Variants in DNAH1 observed in about 807,000 individuals in gnomAD.
The protein encoded by DNAH1 is dynein axonemal heavy chain 1.
Under a neutral mutation model 484.3 loss-of-function variants are expected in DNAH1, and 327 were observed. The ratio of observed to expected loss-of-function variants is 0.68; its 90% confidence interval spans 0.62 to 0.74. The LOEUF is 0.74. Ranked by LOEUF, DNAH1 falls within the 30% of genes least tolerant of loss-of-function variation. The probability of loss-of-function intolerance (pLI) is 0.00; values close to 1 mark genes in which losing one functional copy is unlikely to be tolerated. For synonymous variants in DNAH1, 2,192 were observed against 2,191.9 expected (o/e 1.00, Z 0.00); for missense variants, 5,052 against 5,546.8 (o/e 0.91, Z 2.83).
chr3:52,358,128 G>A lies in DNAH1; in HGVS notation c.4086+125G>A. 1 of 784,622 alleles carries A rather than the reference G, an allele frequency of 1.3e-6. No homozygotes were observed. Among genetic ancestry groups the A allele is most frequent in the Non-Finnish European group, 2.0e-6 (1 of 505,178 alleles). The allele number at this position is 784,622 out of a possible 1,614,324, so 48.6% of individuals were successfully genotyped here. ...GCAAATGACATTCCTGGTCTTTGGA[G>A]ACACACCTGGGGCCTGTGGGAGGAA... On this transcript the variant is annotated intron_variant, in intron 24 of 77. Transcript: ENST00000420323. This position sits in a 1 kb window ranked among gnomAD's most constrained non-coding sequence, Gnocchi z 4.2.
intron 18 of DNAH1, 128 bp downstream of exon 18, chr3:52,352,835 T>G: frequency 7.2e-7 from 1 of 1,383,254 alleles, no homozygotes; most frequent in Non-Finnish European, 9.6e-7. Context: ...AGAGTGGAGA[T>G]AGCCCAACCC....
chr3:52,395,150 G>A lies in DNAH1; in HGVS notation c.10968+91G>A. Reference sequence around the variant, plus strand: ...TGGCTGCATCTGGATAGACTACTTGGCCAGGCCAGGACCCCTGCTTGCTCC... The same window carrying A: ...TGGCTGCATCTGGATAGACTACTTGACCAGGCCAGGACCCCTGCTTGCTCC... On this transcript the variant is annotated intron_variant, in intron 68 of 77. Coordinates refer to ENST00000420323, the MANE Select transcript of DNAH1 (RefSeq NM_015512.5). This position sits in a 1 kb window ranked among gnomAD's most constrained non-coding sequence, Gnocchi z 4.4. 2.6e-6 allele frequency: 4 copies of A among 1,517,296 alleles called. No homozygotes were observed. Among genetic ancestry groups the A allele is most frequent in the South Asian group, 2.6e-5 (2 of 78,040 alleles). 94.0% of individuals were successfully genotyped at this position (1,517,296 alleles called of 1,614,324 possible). A position where few individuals can be genotyped will look rare whatever the true frequency, so the allele number is the denominator to read the frequency against.
chr3:52,348,807 G>C (rs1483707841), intron 12 of DNAH1, 81 bp from the exon 13 acceptor site: 56 of 1,501,578 alleles, frequency 3.7e-5, no homozygotes, highest in Middle Eastern at 3.5e-4. Context: ...CCTGCTCCTC[G>C]GGAGGACTCC....
chr3:52,373,115 G>T (rs963555805), intron 44 of DNAH1, 62 bp downstream of exon 44: 1 of 1,514,816 alleles, frequency 6.6e-7, no homozygotes, highest in East Asian at 2.4e-5. Context: ...GGGCACAGGA[G>T]GCACAGCACT....
chr3:52,381,873 C>T lies in DNAH1; in HGVS notation c.7805+37C>T. On this transcript the variant is annotated intron_variant, in intron 49 of 77. Transcript: ENST00000420323. The surrounding 1 kb of genome is among the most constrained non-coding windows in gnomAD (Gnocchi z 4.1). ...CAGGGCGTGCTGGGCAGTGGGCGGC[C>T]AGGGCTGGCTGGTCGGTTTGACTGA... 4 of 1,542,502 alleles carry T rather than the reference C, an allele frequency of 2.6e-6. No individual in the cohort carries two copies. The highest frequency in any genetic ancestry group is 3.5e-6 in the Non-Finnish European group (4 of 1,141,952).
At chr3:52,312,625 C>G (rs1700819728), upstream of DNAH1, among the ~76,000 whole-genome samples, 1 of 151,930 alleles carries the variant, frequency 6.6e-6, no homozygotes, top group African/African-American at 2.4e-5. Flanking sequence ...GATGTGCCAC[C>G]ACGTCTGGCT....
chr3:52,366,781 T>C lies in DNAH1; in HGVS notation c.5659T>C (p.Ser1887Pro), dbSNP rs1401568748. The C allele has an allele frequency of 1.2e-6, 2 of 1,613,256 alleles. No individual in the cohort carries two copies. Among genetic ancestry groups the C allele is most frequent in the African/African-American group, 1.3e-5 (1 of 74,862 alleles). The change falls in exon 36 of 78, where the codon TCC becomes CCC. Residue 1887 changes from serine (S) to proline (P), a missense_variant. Transcript: ENST00000420323. ...AAMTSLKGQP[S>P]ISGGMYEAVN... The stretch of plus-strand genomic sequence containing the variant: ...CATGACGTCACTGAAAGGGCAGCCA[T>C]CCATCAGTGGTGGCATGTACGAGGC...
chr3:52,377,850 G>T (rs1703670994), intron 46 of DNAH1, among the ~76,000 whole-genome samples: 1 of 151,992 alleles, frequency 6.6e-6, no homozygotes, highest in Non-Finnish European at 1.5e-5. Flanking sequence ...CTGCAGGGCT[G>T]CCCGTAGCCC....
chr3:52,394,832 G>C (rs1288046254), intron 67 of DNAH1, 83 bp from the exon 68 acceptor site: 1 of 1,550,624 alleles, frequency 6.4e-7, no homozygotes, highest in East Asian at 2.3e-5. Flanking sequence ...ACTCTCCCCA[G>C]CTGTCCGGCT....
intron 14 of DNAH1, 73 bp downstream of exon 14, chr3:52,349,493 A>G (rs1673549897): frequency 7.2e-7 from 1 of 1,398,406 alleles, no homozygotes; most frequent in Admixed American, 1.8e-5. Flanking sequence ...ACCCTCACAT[A>G]CATGGCAAGA....
At position 52,383,924 on chromosome 3, in the gene DNAH1, A is replaced by G. The variant is rs61734631; in HGVS notation, c.8215A>G (p.Ile2739Val). 1.6e-3 allele frequency: 2,534 copies of G among 1,613,528 alleles called. 32 individuals are homozygous for G. The African/African-American group carries it at 0.026, about 16-fold the overall frequency. The change falls in exon 52 of 78, where the codon ATC becomes GTC. Residue 2739 changes from isoleucine (I) to valine (V), a missense_variant. Coordinates refer to ENST00000420323, the MANE Select transcript of DNAH1 (RefSeq NM_015512.5). Reference protein sequence around the residue: ...QFPSLVNCCTIDWFNEWPAEA... With the variant: ...QFPSLVNCCTVDWFNEWPAEA... ...TCCCTCCCTGGTCAACTGCTGTACC[A>G]TCGACTGGTTTAACGAGTGGCCGGC...
chr3:52,346,934 C>T lies in DNAH1; in HGVS notation c.1955+164C>T, dbSNP rs1245927879. Among the ~76,000 whole-genome samples the T allele has an allele frequency of 4.6e-5, 7 of 152,214 alleles. 1 individual carries two copies. The South Asian group carries it at 1.0e-3, about 22-fold the overall frequency. On this transcript the variant is annotated intron_variant, in intron 11 of 77. Transcript: ENST00000420323. ...AGGCTGCTGGGCAATGTCCTGCCAGCCCTGGCTTGCATTGCTTCTGGTGAC... is the reference window on the plus strand; with the variant it reads ...AGGCTGCTGGGCAATGTCCTGCCAGTCCTGGCTTGCATTGCTTCTGGTGAC...
intron 46 of DNAH1, among the ~76,000 whole-genome samples, chr3:52,377,210 G>T (rs908468738): frequency 8.6e-5 from 13 of 152,002 alleles, no homozygotes; most frequent in African/African-American, 3.1e-4. Flanking sequence ...GAGTACCCCG[G>T]TCCCCGCACT....
In DNAH1 at chr3:52,391,288, AG is replaced by A; in HGVS notation, c.9853del (p.Glu3285SerfsTer2). On this transcript the variant is annotated frameshift_variant, in exon 62 of 78. Coordinates refer to ENST00000420323, the MANE Select transcript of DNAH1 (RefSeq NM_015512.5). LOFTEE classifies it high-confidence loss of function. ...GKPCLLENVG[E>X]ELDPALEPVL... ...CCATGTCTCCTGGAGAACGTGGGCG[AG>A]GAGCTAGACCCAGCCCTGGAGCCAG... is the stretch of plus-strand genomic sequence containing the variant. The A allele has an allele frequency of 6.2e-7, 1 of 1,612,840 alleles. No individual in the cohort carries two copies. Among genetic ancestry groups the A allele is most frequent in the Non-Finnish European group, 8.5e-7 (1 of 1,179,396 alleles).
rs890356937 is a variant in DNAH1 at position 52,360,314 on chromosome 3, C to T, written c.4575C>T (p.Tyr1525=). Residue 1525 remains tyrosine (Y), a synonymous_variant, in exon 28 of 78, where the codon TAC becomes TAT. Transcript: ENST00000420323. Reference sequence around the variant, plus strand: ...CCTCATCTCCCTGCACCGCCAGGTACTACTGGACAAATAATGACCTGTATA... The same window carrying T: ...CCTCATCTCCCTGCACCGCCAGGTATTACTGGACAAATAATGACCTGTATA... ...NDFQWISQLR[Y]YWTNNDLYIR... is the part of the protein sequence containing the mutation. The T allele has an allele frequency of 4.3e-6, 7 of 1,613,036 alleles. No individual in the cohort carries two copies. The Middle Eastern group carries it at 8.3e-4, about 190-fold the overall frequency.
At chr3:52,371,438 G>A (rs1352040705) in intron 41 of DNAH1, among the ~76,000 whole-genome samples, 1 of 152,240 alleles carries the variant, frequency 6.6e-6, no homozygotes, top group Non-Finnish European at 1.5e-5. Flanking sequence ...CCCCATCAGG[G>A]GACGTCTGCA....
At chr3:52,372,121 C>T in intron 42 of DNAH1, 35 bp downstream of exon 42, 1 of 1,611,634 alleles carries the variant, frequency 6.2e-7, no homozygotes, top group Non-Finnish European at 8.5e-7. Flanking sequence ...TCCACTGTCC[C>T]CAAGGCCTAT....
At chr3:52,343,975 C>A (rs1702042187) in intron 8 of DNAH1, among the ~76,000 whole-genome samples, 1 of 152,172 alleles carries the variant, frequency 6.6e-6, no homozygotes, top group African/African-American at 2.4e-5. Context: ...TCTCGGAGCC[C>A]AGTTTCAAAG....
At chr3:52,383,836 T>C in intron 51 of DNAH1, 24 bp from the exon 52 acceptor site, 1 of 1,568,350 alleles carries the variant, frequency 6.4e-7, no homozygotes, top group Non-Finnish European at 8.7e-7. Context: ...TCTCTGGACC[T>C]CATTTGGATT....
Sources: allele counts gnomAD v4.1 joint callset (sites outside exome capture counted in the v4.1 genomes callset), GRCh38; gene constraint gnomAD v4.1.1; non-coding constraint Gnocchi (gnomAD v3.1); transcripts MANE v1.5; gene names NCBI Gene and HGNC (gene_info 2026-07-23, HGNC 2026-07-21).